The following PCDH15 variants were observed in gnomAD, a reference collection of about 807,000 sequenced individuals.
PCDH15 encodes the protein protocadherin related 15.
A neutral mutation model predicts 178.5 loss-of-function variants in PCDH15; 129 were observed. That is an observed-to-expected ratio of 0.72 (90% CI 0.63 to 0.84). The LOEUF (loss-of-function observed/expected upper bound fraction) is 0.84, where lower values mean the gene tolerates loss of function less well. PCDH15 is among the 40% of genes least tolerant of loss of function. The pLI is 0.00. For synonymous variants in PCDH15, 800 were observed against 732.0 expected, an observed-to-expected ratio of 1.09 and a Z score of -1.50; for missense variants, 2,230 against 2,099.9, an observed-to-expected ratio of 1.06 and a Z score of -1.21.
chr10:54,215,207 A>G (rs896559390), intron 9 of PCDH15, among the ~76,000 whole-genome samples: 1 of 152,196 alleles, frequency 6.6e-6, no homozygotes, highest in East Asian at 1.9e-4. Context: ...AGTTAAAGGG[A>G]CAATCTGAAA....
intron 3 of PCDH15, among the ~76,000 whole-genome samples, chr10:54,895,641 T>G (rs542927793): frequency 7.9e-5 from 12 of 152,258 alleles, no homozygotes; most frequent in Admixed American, 5.9e-4. Context: ...AGGCAAGAAA[T>G]TTCCTCTGCA....
In PCDH15 at chr10:55,522,056, T is replaced by C. The variant is rs1320178738; in HGVS notation, c.-156+105569A>G. Among the ~76,000 whole-genome samples the C allele has an allele frequency of 3.9e-5, 6 of 151,964 alleles. No individual in the cohort carries two copies. In the Admixed American group the frequency reaches 4.0e-4, roughly 10 times the overall value. ...AACCATCATAAGTCTGACCAGTCTG[T>C]ATATCTAGAAATAGAATTGCTGGAT... On this transcript the variant is annotated intron_variant, in intron 2 of 5. Coordinates refer to the PCDH15 transcript ENST00000613346.
chr10:54,313,137 T>C (rs191784404), intron 8 of PCDH15, among the ~76,000 whole-genome samples: 5 of 152,108 alleles, frequency 3.3e-5, no homozygotes, highest in Non-Finnish European at 7.4e-5. Flanking sequence ...AAAATATTTA[T>C]TGATCTTCAG....
chr10:54,577,536 GA>G (rs555712846), intron 2 of PCDH15, among the ~76,000 whole-genome samples: 8 of 148,890 alleles, frequency 5.4e-5, no homozygotes, highest in African/African-American at 1.7e-4. Flanking sequence ...TACAAAAAAG[GA>G]AAAAAAAATA....
intron 2 of PCDH15, among the ~76,000 whole-genome samples, chr10:54,981,854 C>T (rs186125349): frequency 2.8e-3 from 424 of 152,172 alleles, no homozygotes; most frequent in Non-Finnish European, 4.3e-3. Context: ...TAGCTCACTG[C>T]AACCTTGAAC....
chr10:53,857,393 A>AAT (rs1401806446), intron 27 of PCDH15, 130 bp from the exon 28 acceptor site: 2 of 577,700 alleles, frequency 3.5e-6, no homozygotes, highest in Non-Finnish European at 6.2e-6. Flanking sequence ...TTCAGGAACA[A>AAT]ATATATATAC....
chr10:54,183,618 A>T (rs1354469534), intron 12 of PCDH15, 25 bp from the exon 13 acceptor site: 1 of 1,612,526 alleles, frequency 6.2e-7, no homozygotes, highest in East Asian at 2.2e-5. Context: ...AAATACACTT[A>T]GTAGAGATGT....
chr10:54,677,457 A>G (rs992307089), intron 1 of PCDH15, among the ~76,000 whole-genome samples: 1 of 152,272 alleles, frequency 6.6e-6, no homozygotes, highest in East Asian at 1.9e-4. Flanking sequence ...ATATAATGAT[A>G]ATAGCGTGTG....
At chr10:54,350,032 T>C (rs1214675596) in intron 5 of PCDH15, among the ~76,000 whole-genome samples, 2 of 152,150 alleles carry the variant, frequency 1.3e-5, no homozygotes, top group Non-Finnish European at 2.9e-5. Context: ...AGAGAAACAA[T>C]TGTATTAGCC....
At chr10:54,567,896 A>C (rs2089271220) in intron 2 of PCDH15, among the ~76,000 whole-genome samples, 1 of 152,176 alleles carries the variant, frequency 6.6e-6, no homozygotes, top group Non-Finnish European at 1.5e-5. Flanking sequence ...CAGAAAAAGA[A>C]GCTTTCATCC....
chr10:54,940,963 C>G (rs1209837854), intron 2 of PCDH15, among the ~76,000 whole-genome samples: 4 of 151,978 alleles, frequency 2.6e-5, no homozygotes, highest in Non-Finnish European at 5.9e-5. Flanking sequence ...AAAATTCTGT[C>G]TAGCAATGAC....
intron 29 of PCDH15, among the ~76,000 whole-genome samples, chr10:53,833,140 A>G (rs1198459912): frequency 6.6e-6 from 1 of 152,168 alleles, no homozygotes; most frequent in South Asian, 2.1e-4. Context: ...ATTGCTTCAC[A>G]GGAACTATAT....
At chr10:55,157,552 A>G (rs1007473523) in intron 2 of PCDH15, among the ~76,000 whole-genome samples, 3 of 150,332 alleles carry the variant, frequency 2.0e-5, no homozygotes, top group Non-Finnish European at 4.4e-5. Context: ...CTTGGAACCA[A>G]CCCAAATGTC....
chr10:54,516,963 C>T (rs1386968242), intron 3 of PCDH15, among the ~76,000 whole-genome samples: 4 of 151,994 alleles, frequency 2.6e-5, no homozygotes, highest in Admixed American at 6.6e-5. Context: ...CCAAACTAAG[C>T]TTCATAAGTG....
At chr10:54,252,102 T>G (rs2056527017) in intron 8 of PCDH15, among the ~76,000 whole-genome samples, 1 of 152,148 alleles carries the variant, frequency 6.6e-6, no homozygotes, top group South Asian at 2.1e-4. Flanking sequence ...CATATTTCTG[T>G]GGTGGAGAGG....
chr10:54,348,686 C>T (rs950353625), intron 5 of PCDH15, among the ~76,000 whole-genome samples: 11 of 152,092 alleles, frequency 7.2e-5, no homozygotes, highest in African/African-American at 2.4e-5. Context: ...CTATTATATA[C>T]TTTTTTGTGG....
chr10:54,696,767 G>C (rs1320557292), intron 1 of PCDH15, among the ~76,000 whole-genome samples: 2 of 151,782 alleles, frequency 1.3e-5, no homozygotes, highest in Non-Finnish European at 2.9e-5. Context: ...CCATTCCTTA[G>C]GTTTCCTTTT....
chr10:55,125,198 T>C (rs1837869364), intron 2 of PCDH15, among the ~76,000 whole-genome samples: 1 of 149,012 alleles, frequency 6.7e-6, no homozygotes, highest in Non-Finnish European at 1.5e-5. Context: ...TGTGTGTAAG[T>C]TTAACAAAAA....
chr10:54,771,424 G>C (rs943058612), intron 1 of PCDH15, among the ~76,000 whole-genome samples: 3 of 152,000 alleles, frequency 2.0e-5, no homozygotes, highest in Non-Finnish European at 4.4e-5. Context: ...TTAGACATTT[G>C]ATCATATGTT....
Sources: gnomAD v4.1 joint callset for allele counts (sites outside exome capture counted in the v4.1 genomes callset) on GRCh38, gnomAD v4.1.1 for gene constraint, MANE v1.5 for transcripts, NCBI Gene and HGNC (gene_info 2026-07-23, HGNC 2026-07-21) for gene names.